PAPPA2: variants seen among roughly 807,000 people sequenced by gnomAD.
PAPPA2 encodes pappalysin-2.
In PAPPA2, 86 loss-of-function variants were observed where a neutral mutation model predicts 176.4. The ratio of observed to expected loss-of-function variants is 0.49; its 90% CI spans 0.41 to 0.58. The LOEUF (loss-of-function observed/expected upper bound fraction) is 0.58. Among genes scored for constraint, PAPPA2 ranks in the 20% least tolerant of loss-of-function variants. PAPPA2 has a pLI of 0.00. For missense variants in PAPPA2, 2,073 were observed against 2,256.9 expected, an observed-to-expected ratio of 0.92 and a Z score of 1.65; for synonymous variants, 809 against 852.2, an observed-to-expected ratio of 0.95 and a Z score of 0.88.
At chr1:176,493,732 G>A (rs910135422) in intron 1 of PAPPA2, among the ~76,000 whole-genome samples, 1 of 152,170 alleles carries the variant, frequency 6.6e-6, no homozygotes, top group Non-Finnish European at 1.5e-5. Flanking sequence ...AAGTGGCTCA[G>A]AAGGCTCTGC....
At chr1:176,662,200 G>T (rs559693816) in intron 3 of PAPPA2, among the ~76,000 whole-genome samples, 1 of 152,252 alleles carries the variant, frequency 6.6e-6, no homozygotes, top group Admixed American at 6.5e-5. Flanking sequence ...TGATCCGGGG[G>T]AAGACACTTT....
chr1:176,820,523 A>G (rs1030825635), intron 21 of PAPPA2, among the ~76,000 whole-genome samples: 2 of 152,218 alleles, frequency 1.3e-5, no homozygotes, highest in African/African-American at 4.8e-5. Context: ...TTCCTTACAC[A>G]TGCACATGCA....
chr1:176,648,373 T>C (rs1289067475), intron 3 of PAPPA2, among the ~76,000 whole-genome samples: 1 of 151,524 alleles, frequency 6.6e-6, no homozygotes, highest in Non-Finnish European at 1.5e-5. Context: ...GGTCATGTCA[T>C]GTGTGAGCAA....
intron 17 of PAPPA2, among the ~76,000 whole-genome samples, chr1:176,780,448 G>A (rs1351923086): frequency 2.0e-5 from 3 of 152,136 alleles, no homozygotes; most frequent in South Asian, 4.1e-4. Flanking sequence ...GAAAAGAGAG[G>A]GAGGGAAGGA....
intron 21 of PAPPA2, 48 bp downstream of exon 21, chr1:176,800,180 A>G: frequency 6.3e-7 from 1 of 1,582,386 alleles, no homozygotes; most frequent in East Asian, 2.2e-5. Context: ...ACTCAGGTGG[A>G]TTTAACTTAT....
chr1:176,638,430 A>G (rs115684419), intron 3 of PAPPA2, among the ~76,000 whole-genome samples: 299 of 152,178 alleles, frequency 2.0e-3, no homozygotes, highest in Non-Finnish European at 3.5e-3. Flanking sequence ...GAGCTCCGGT[A>G]GAAGGCTCTC....
At chr1:176,673,457 C>T (rs1659119495) in intron 4 of PAPPA2, among the ~76,000 whole-genome samples, 2 of 152,106 alleles carry the variant, frequency 1.3e-5, no homozygotes, top group African/African-American at 4.8e-5. Context: ...AATAACCTTT[C>T]TGGTGTATGT....
chr1:176,466,763 G>A (rs1184577588), intron 1 of PAPPA2, among the ~76,000 whole-genome samples: 3 of 152,116 alleles, frequency 2.0e-5, no homozygotes, highest in Non-Finnish European at 2.9e-5. Context: ...AGCACAGACC[G>A]AAGGCCAAAT....
At chr1:176,720,625 T>A (rs1243141089) in intron 12 of PAPPA2, among the ~76,000 whole-genome samples, 2 of 152,122 alleles carry the variant, frequency 1.3e-5, no homozygotes, top group African/African-American at 2.4e-5. Context: ...AGAGAAACAA[T>A]AGGATGTATC....
intron 14 of PAPPA2, among the ~76,000 whole-genome samples, chr1:176,747,791 G>A (rs573198080): frequency 2.0e-5 from 3 of 152,318 alleles, no homozygotes; most frequent in African/African-American, 4.8e-5. Flanking sequence ...AGTTAGGAAT[G>A]TGTTCTCGTT....
chr1:176,643,131 C>T (rs2102730765), intron 3 of PAPPA2, among the ~76,000 whole-genome samples: 1 of 151,982 alleles, frequency 6.6e-6, no homozygotes, highest in East Asian at 1.9e-4. Context: ...TATAGCATGC[C>T]ATTTTATCTT....
In PAPPA2 at chr1:176,501,141, C is replaced by A. The variant is rs537698666; in HGVS notation, c.-917+37723C>A. ...ACAATTATATGAAAGAAATAGAAAA[C>A]CACTGGTAAGACTGACTCCAGAAGT... is the stretch of plus-strand genomic sequence containing the variant. On this transcript the variant is annotated intron_variant, in intron 1 of 22. Coordinates refer to ENST00000367662, the MANE Select transcript of PAPPA2 (RefSeq NM_020318.3). Among the ~76,000 whole-genome samples the A allele has an allele frequency of 1.4e-4, 21 of 149,878 alleles. No homozygotes were observed. In the East Asian group the frequency reaches 3.3e-3, roughly 24 times the overall value.
intron 21 of PAPPA2, among the ~76,000 whole-genome samples, chr1:176,819,746 A>G (rs1403276756): frequency 6.6e-6 from 1 of 152,216 alleles, no homozygotes; most frequent in South Asian, 2.1e-4. Context: ...GTCCTGACCA[A>G]GGAAGCAGAA....
intron 4 of PAPPA2, among the ~76,000 whole-genome samples, chr1:176,673,559 C>A (rs1426433419): frequency 6.6e-6 from 1 of 152,034 alleles, no homozygotes; most frequent in East Asian, 1.9e-4. Flanking sequence ...GGTTAAAAGA[C>A]CTTAAAAATT....
intron 7 of PAPPA2, among the ~76,000 whole-genome samples, chr1:176,696,061 T>C (rs761986642): frequency 6.6e-6 from 1 of 151,682 alleles, no homozygotes; most frequent in Non-Finnish European, 1.5e-5. Flanking sequence ...GAATGTTCCA[T>C]ATGTGCCTAA....
At chr1:176,791,070 T>C (rs777284796) in intron 18 of PAPPA2, among the ~76,000 whole-genome samples, 8 of 151,984 alleles carry the variant, frequency 5.3e-5, no homozygotes, top group Non-Finnish European at 1.0e-4. Context: ...CTTCGGTTGA[T>C]AGCTGATTGT....
intron 3 of PAPPA2, among the ~76,000 whole-genome samples, chr1:176,662,966 C>T (rs866600752): frequency 6.6e-6 from 1 of 152,260 alleles, no homozygotes; most frequent in South Asian, 2.1e-4. Flanking sequence ...TAAAATCAAA[C>T]TATTATATCT....
At chr1:176,793,100 A>G (rs1464411902) in intron 19 of PAPPA2, among the ~76,000 whole-genome samples, 3 of 152,164 alleles carry the variant, frequency 2.0e-5, no homozygotes, top group Non-Finnish European at 4.4e-5. Flanking sequence ...CAGCATGTCA[A>G]GTTCTTAGGT....
chr1:176,758,564 T>A (rs1038516044), intron 14 of PAPPA2, among the ~76,000 whole-genome samples: 1 of 152,160 alleles, frequency 6.6e-6, no homozygotes, highest in African/African-American at 2.4e-5. Flanking sequence ...CCATACCCTC[T>A]TATTTGCATA....
Sources: allele counts gnomAD v4.1 joint callset (sites outside exome capture counted in the v4.1 genomes callset), GRCh38; gene constraint gnomAD v4.1.1; transcripts MANE v1.5; gene names NCBI Gene and HGNC (gene_info 2026-07-23, HGNC 2026-07-21).